The following RAB2B variants were observed in gnomAD, a reference collection of about 807,000 sequenced individuals.
The protein encoded by RAB2B is ras-related protein Rab-2B.
In RAB2B, 20 loss-of-function variants were observed where a neutral mutation model predicts 29.8. The observed-to-expected ratio is 0.67, with a 90% CI of 0.47 to 0.97. The LOEUF (loss-of-function observed/expected upper bound fraction) is 0.97, where lower values mean the gene tolerates loss of function less well. Among genes scored for constraint, RAB2B ranks in the 50% least tolerant of loss-of-function variants. RAB2B has a pLI of 0.00. For missense variants in RAB2B, 218 were observed against 272.0 expected, an observed-to-expected ratio of 0.80 and a Z score of 1.40; for synonymous variants, 93 against 91.7, an observed-to-expected ratio of 1.01 and a Z score of -0.08.
Position 21,468,261 on chromosome 14 carries a change from C to G in RAB2B, c.362+96G>C. ...AAAATTTTTTTTTTTTACTGAAACACTAAGACCACTATAAACTGAGAAAGT... is the reference window on the plus strand; with the variant it reads ...AAAATTTTTTTTTTTTACTGAAACAGTAAGACCACTATAAACTGAGAAAGT... On this transcript the variant is annotated intron_variant, in intron 5 of 7. Coordinates refer to ENST00000397762, the MANE Select transcript of RAB2B (RefSeq NM_032846.4). 3.3e-6 allele frequency: 3 copies of G among 919,796 alleles called. No individual in the cohort carries two copies. In the Admixed American group the frequency reaches 7.9e-5, roughly 24 times the overall value. 57.0% of individuals were successfully genotyped at this position (919,796 alleles called of 1,614,324 possible).
In RAB2B at chr14:21,467,852, AT is replaced by A. The variant is rs554767021; in HGVS notation, c.362+504del. ...ATAAACAAAATATTGTGGTATATGC[AT>A]ACAATGAATATTACTCATCTTTAAA... is the stretch of plus-strand genomic sequence containing the variant. On this transcript the variant is annotated intron_variant, in intron 5 of 7. Coordinates refer to ENST00000397762, the MANE Select transcript of RAB2B (RefSeq NM_032846.4). Among the ~76,000 whole-genome samples, 470 of 152,358 alleles carry A rather than the reference AT, an allele frequency of 3.1e-3. 3 individuals carry two copies. The highest frequency in any genetic ancestry group is 0.011 in the African/African-American group (437 of 41,586).
At chr14:21,468,791 C>T (rs1337931737) in intron 3 of RAB2B, 39 bp from the exon 4 acceptor site, 1 of 1,412,648 alleles carries the variant, frequency 7.1e-7, no homozygotes, top group Non-Finnish European at 9.5e-7. Flanking sequence ...CCCAACAAAA[C>T]CAGGTTATTT....
At chr14:21,473,451 T>C (rs1890868145) in intron 3 of RAB2B, among the ~76,000 whole-genome samples, 1 of 152,220 alleles carries the variant, frequency 6.6e-6, no homozygotes. Flanking sequence ...AGGGCAAAAC[T>C]ACACTAAGCC....
Position 21,476,879 on chromosome 14 carries a change from G to C in RAB2B, c.-7C>G, listed in dbSNP as rs201698981. ...AGAGATAAGCATAAGTCATGGTGTC[G>C]CGTCCTCTGGGTTCCGGGTCCGCCC... is the stretch of plus-strand genomic sequence containing the variant. On this transcript the variant is annotated 5_prime_UTR_variant, in exon 1 of 8. Transcript: ENST00000397762. The C allele has an allele frequency of 6.2e-7, 1 of 1,613,216 alleles. No homozygotes were observed. The highest frequency in any genetic ancestry group is 8.5e-7 in the Non-Finnish European group (1 of 1,179,966).
chr14:21,474,083 C>T (rs1890886690), intron 3 of RAB2B, among the ~76,000 whole-genome samples: 1 of 151,962 alleles, frequency 6.6e-6, no homozygotes, highest in Non-Finnish European at 1.5e-5. Flanking sequence ...CCCGGCTACT[C>T]AGGAGGCTGA....
Position 21,459,746 on chromosome 14 carries a change from T to C in RAB2B, c.*1450A>G, listed in dbSNP as rs566898531. Reference sequence around the variant, plus strand: ...AAGTCTGTTACTAAAGAAAAAATTTTTGGACTTTTAAGTATAATTAGTGGA... The same window carrying C: ...AAGTCTGTTACTAAAGAAAAAATTTCTGGACTTTTAAGTATAATTAGTGGA... On this transcript the variant is annotated 3_prime_UTR_variant, in exon 8 of 8. Coordinates refer to ENST00000397762, the MANE Select transcript of RAB2B (RefSeq NM_032846.4). 1 of 157,574 alleles carries C rather than the reference T, an allele frequency of 6.3e-6. No individual in the cohort carries two copies. Among genetic ancestry groups the C allele is most frequent in the South Asian group, 1.8e-4 (1 of 5,440 alleles). The allele number at this position is 157,574 out of a possible 1,614,324, so 9.8% of individuals were successfully genotyped here.
rs761679847 is a variant in RAB2B at position 21,461,237 on chromosome 14, G to A, written c.610C>T (p.Arg204Trp). The A allele has an allele frequency of 5.0e-6, 8 of 1,613,592 alleles. No individual in the cohort carries two copies. Among genetic ancestry groups the A allele is most frequent in the South Asian group, 2.2e-5 (2 of 91,036 alleles). ...STSVGPSASQ[R>W]NSRDIGSNSG... Reference sequence around the variant, plus strand: ...TTGGACCCTATGTCACGAGAGTTCCGCTGGGAGGCACTGGGTCCCACTGAT... The same window carrying A: ...TTGGACCCTATGTCACGAGAGTTCCACTGGGAGGCACTGGGTCCCACTGAT... The change falls in exon 8 of 8, where the codon CGG (arginine) becomes TGG (tryptophan). Residue 204 changes from arginine (R) to tryptophan (W), a missense_variant. Physicochemically the swap from Arg to Trp is moderately radical, Grantham distance 101. Transcript: ENST00000397762.
Position 21,476,514 on chromosome 14 carries a change from GTAGA to G in RAB2B, c.118+10_118+13del. 1 of 1,613,756 alleles carries G rather than the reference GTAGA, an allele frequency of 6.2e-7. No homozygotes were observed. Among genetic ancestry groups the G allele is most frequent in the Non-Finnish European group, 8.5e-7 (1 of 1,180,006 alleles). On this transcript the variant is annotated intron_variant, in intron 2 of 7. Transcript: ENST00000397762. ...GGTTTTATCATCTGTTCTGGAACAA[GTAGA>G]TGCACTTACCTATTGTGAGGTCGTG...
At position 21,459,972 on chromosome 14, in the gene RAB2B, G is replaced by A; in HGVS notation, c.*1224C>T. ...GAACAGGGAACAAATGTTTTCTTTAGGTAATAATAAGTGGCCACATGTCCC... is the reference window on the plus strand; with the variant it reads ...GAACAGGGAACAAATGTTTTCTTTAAGTAATAATAAGTGGCCACATGTCCC... On this transcript the variant is annotated 3_prime_UTR_variant, in exon 8 of 8. Transcript: ENST00000397762. 3.0e-6 allele frequency: 1 copy of A among 337,748 alleles called. No individual in the cohort carries two copies. Among genetic ancestry groups the A allele is most frequent in the Non-Finnish European group, 5.9e-6 (1 of 168,966 alleles). 20.9% of individuals were successfully genotyped at this position (337,748 alleles called of 1,614,324 possible). A position where few individuals can be genotyped will look rare whatever the true frequency, so the allele number is the denominator to read the frequency against.
Position 21,460,195 on chromosome 14 carries a change from T to G in RAB2B, c.*1001A>C, listed in dbSNP as rs777012582. ...ATGAAATTCCGAGGCAGAGGATCTA[T>G]CAACCAAAGGCCAACTAGATCTAGG... is the stretch of plus-strand genomic sequence containing the variant. On this transcript the variant is annotated 3_prime_UTR_variant, in exon 8 of 8. Transcript: ENST00000397762. 7.7e-6 allele frequency: 4 copies of G among 518,812 alleles called. No individual in the cohort carries two copies. The highest frequency in any genetic ancestry group is 1.2e-5 in the Non-Finnish European group (3 of 259,840). The allele number at this position is 518,812 out of a possible 1,614,324, so 32.1% of individuals were successfully genotyped here. A position where few individuals can be genotyped will look rare whatever the true frequency, so the allele number is the denominator to read the frequency against.
intron 5 of RAB2B, among the ~76,000 whole-genome samples, chr14:21,463,969 T>C (rs1462078298): frequency 6.6e-6 from 1 of 152,198 alleles, no homozygotes; most frequent in Non-Finnish European, 1.5e-5. Context: ...AGCTGCTGCA[T>C]AGTTGAAGAT....
chr14:21,467,626 T>A (rs1233890821), intron 5 of RAB2B, among the ~76,000 whole-genome samples: 1 of 152,178 alleles, frequency 6.6e-6, no homozygotes, highest in South Asian at 2.1e-4. Flanking sequence ...CTGGAAAGAA[T>A]GTAAAATGAG....
At chr14:21,474,586 G>C (rs1890902239) in intron 3 of RAB2B, 2 of 364,908 alleles carry the variant, frequency 5.5e-6, no homozygotes, top group Admixed American at 8.6e-5. Context: ...GGGAGAAAGA[G>C]TTTATGTATC....
intron 1 of RAB2B, 111 bp from the exon 2 acceptor site, chr14:21,476,710 G>GC: frequency 1.5e-6 from 1 of 665,968 alleles, no homozygotes; most frequent in Non-Finnish European, 2.2e-6. Flanking sequence ...CGGCCGCCCC[G>GC]AACCGCCCCG....
chr14:21,464,621 T>A (rs1175415017), intron 5 of RAB2B, among the ~76,000 whole-genome samples: 1 of 151,758 alleles, frequency 6.6e-6, no homozygotes, highest in African/African-American at 2.4e-5. Context: ...GACAGTGATA[T>A]GGATAAAATT....
Position 21,476,619 on chromosome 14 carries a change from C to T in RAB2B, c.47-20G>A. On this transcript the variant is annotated intron_variant, in intron 1 of 7. Transcript: ENST00000397762. ...CCACACCTGAAAGAGAAAGCACACT[C>T]CCGGAATCACGCAGCCCTGGAACAC... 6.2e-7 allele frequency: 1 copy of T among 1,613,704 alleles called. No individual in the cohort carries two copies. The highest frequency in any genetic ancestry group is 8.5e-7 in the Non-Finnish European group (1 of 1,179,980).
rs1890625788 is a variant in RAB2B, at chr14:21,463,820, G to C, written c.363-53C>G. ...TTAAAAAAAAGATCCAAGTGAAAGAGGAAAGTCTATTTCTAAAAGAATTCC... is the reference window on the plus strand; with the variant it reads ...TTAAAAAAAAGATCCAAGTGAAAGACGAAAGTCTATTTCTAAAAGAATTCC... On this transcript the variant is annotated intron_variant, in intron 5 of 7. Coordinates refer to ENST00000397762, the MANE Select transcript of RAB2B (RefSeq NM_032846.4). The C allele has an allele frequency of 7.1e-5, 84 of 1,191,210 alleles. 1 individual carries two copies. In the South Asian group the frequency reaches 1.1e-3, roughly 15 times the overall value. 73.8% of individuals were successfully genotyped at this position (1,191,210 alleles called of 1,614,324 possible).
At chr14:21,468,780 TC>T in intron 3 of RAB2B, 28 bp from the exon 4 acceptor site, 2 of 1,467,882 alleles carry the variant, frequency 1.4e-6, no homozygotes, top group South Asian at 1.5e-5. Flanking sequence ...CAACAAAAAA[TC>T]CCAACAAAAC....
intron 3 of RAB2B, among the ~76,000 whole-genome samples, chr14:21,471,554 G>C (rs989429557): frequency 1.3e-5 from 2 of 151,412 alleles, no homozygotes; most frequent in African/African-American, 4.9e-5. Context: ...GGAGGTTGAG[G>C]GTGCAATGAG....
Sources: allele counts gnomAD v4.1 joint callset (sites outside exome capture counted in the v4.1 genomes callset), GRCh38; gene constraint gnomAD v4.1.1; transcripts MANE v1.5; gene names NCBI Gene and HGNC (gene_info 2026-07-23, HGNC 2026-07-21).